The following SSBP2 variants were observed in gnomAD, a reference collection of about 807,000 sequenced individuals.
SSBP2 encodes single-stranded DNA-binding protein 2.
SSBP2 carries 17 observed loss-of-function variants against 61.8 expected under a neutral mutation model. The ratio of observed to expected loss-of-function variants is 0.28; its 90% CI spans 0.19 to 0.41. The LOEUF (loss-of-function observed/expected upper bound fraction) is 0.41, where lower values mean the gene tolerates loss of function less well. Among genes scored for constraint, SSBP2 ranks in the 10% least tolerant of loss-of-function variants. The pLI is 1.00. For missense variants in SSBP2, 310 were observed against 458.7 expected (o/e 0.68, Z 2.96); for synonymous variants, 139 against 141.3 (o/e 0.98, Z 0.12).
intron 5 of SSBP2, among the ~76,000 whole-genome samples, chr5:81,511,337 A>C (rs762551872): frequency 3.4e-4 from 52 of 152,032 alleles, no homozygotes; most frequent in Non-Finnish European, 6.2e-4. Flanking sequence ...TTTTGTATAC[A>C]ACTCTCTCAC....
chr5:81,632,462 A>G (rs1747815248), intron 3 of SSBP2, among the ~76,000 whole-genome samples: 1 of 152,218 alleles, frequency 6.6e-6, no homozygotes, highest in Non-Finnish European at 1.5e-5. Flanking sequence ...AGCCCTATGC[A>G]TATATTCCAG....
At chr5:81,497,049 C>T (rs1327618549) in intron 5 of SSBP2, among the ~76,000 whole-genome samples, 1 of 152,148 alleles carries the variant, frequency 6.6e-6, no homozygotes, top group Non-Finnish European at 1.5e-5. Context: ...CTAATTTGCA[C>T]ATAAAGCACC....
intron 5 of SSBP2, 123 bp from the exon 6 acceptor site, chr5:81,489,432 G>A: frequency 1.4e-6 from 1 of 732,504 alleles, no homozygotes; most frequent in Non-Finnish European, 2.1e-6. Context: ...GTACTTTGAG[G>A]CTGCTTTCAG....
intron 4 of SSBP2, among the ~76,000 whole-genome samples, chr5:81,529,645 T>C (rs1183529763): frequency 2.6e-5 from 4 of 152,048 alleles, no homozygotes; most frequent in Admixed American, 1.3e-4. Flanking sequence ...AAGCCACATC[T>C]TGAAGAAAAG....
At chr5:81,433,902 T>G (rs1762502911) in intron 15 of SSBP2, among the ~76,000 whole-genome samples, 1 of 152,238 alleles carries the variant, frequency 6.6e-6, no homozygotes, top group Non-Finnish European at 1.5e-5. Context: ...CAATTGATAG[T>G]GTGAGTTCCT....
Position 81,519,242 on chromosome 5 carries a change from T to C in SSBP2, c.283-5525A>G, listed in dbSNP as rs546700358. Among the ~76,000 whole-genome samples, 8 of 152,246 alleles carry C rather than the reference T, an allele frequency of 5.3e-5. No individual in the cohort carries two copies. In the East Asian group the frequency reaches 9.7e-4, roughly 18 times the overall value. ...GTAAAACTGCCTTAGACAAAGGCAATGTTGGAAAGAATTATTATCTTTTCA... is the reference window on the plus strand; with the variant it reads ...GTAAAACTGCCTTAGACAAAGGCAACGTTGGAAAGAATTATTATCTTTTCA... On this transcript the variant is annotated intron_variant, in intron 4 of 16. Coordinates refer to ENST00000320672, the MANE Select transcript of SSBP2 (RefSeq NM_012446.5).
chr5:81,634,535 C>A (rs1289478294), intron 3 of SSBP2, among the ~76,000 whole-genome samples: 3 of 152,176 alleles, frequency 2.0e-5, no homozygotes, highest in Admixed American at 2.0e-4. Flanking sequence ...CAGAATAAAT[C>A]TTTTCAAATT....
At chr5:81,723,824 T>C (rs974346319) in intron 1 of SSBP2, among the ~76,000 whole-genome samples, 10 of 152,066 alleles carry the variant, frequency 6.6e-5, no homozygotes, top group Admixed American at 2.0e-4. Context: ...GACAATATTA[T>C]AGACTAGTGT....
intron 5 of SSBP2, among the ~76,000 whole-genome samples, chr5:81,509,402 G>C (rs1386360243): frequency 6.6e-6 from 1 of 152,150 alleles, no homozygotes; most frequent in Middle Eastern, 3.2e-3. Context: ...GTGTGAACTT[G>C]AATTATGATT....
chr5:81,638,897 T>G (rs746908237), intron 2 of SSBP2, among the ~76,000 whole-genome samples: 1 of 152,178 alleles, frequency 6.6e-6, no homozygotes, highest in African/African-American at 2.4e-5. Context: ...ATTTCAGAAT[T>G]AGTGCCCTGT....
chr5:81,552,632 T>C (rs1489967022), intron 4 of SSBP2, among the ~76,000 whole-genome samples: 8 of 143,252 alleles, frequency 5.6e-5, no homozygotes, highest in Non-Finnish European at 1.2e-4. Context: ...AGCAAGACTA[T>C]GTCTCTTAAA....
At chr5:81,732,603 A>C (rs1170435438) in intron 1 of SSBP2, among the ~76,000 whole-genome samples, 1 of 152,086 alleles carries the variant, frequency 6.6e-6, no homozygotes. Context: ...TCCTTTTTTC[A>C]CAGGCACAAT....
chr5:81,603,349 T>G (rs1013241824), intron 4 of SSBP2, among the ~76,000 whole-genome samples: 13 of 152,196 alleles, frequency 8.5e-5, no homozygotes, highest in African/African-American at 2.7e-4. Context: ...GACATGGTTT[T>G]AAGACAGAGC....
chr5:81,496,619 TTC>T (rs1189293238), intron 5 of SSBP2, among the ~76,000 whole-genome samples: 2 of 152,210 alleles, frequency 1.3e-5, no homozygotes, highest in East Asian at 1.9e-4. Context: ...GTTTTGCAAG[TTC>T]TGTGTTATAC....
chr5:81,656,679 G>C (rs1750243765), intron 1 of SSBP2, among the ~76,000 whole-genome samples: 1 of 151,172 alleles, frequency 6.6e-6, no homozygotes, highest in African/African-American at 2.4e-5. Flanking sequence ...GTAAGAAAAT[G>C]GAAATTCAAA....
At chr5:81,594,061 G>C (rs1485986805) in intron 4 of SSBP2, among the ~76,000 whole-genome samples, 2 of 150,542 alleles carry the variant, frequency 1.3e-5, no homozygotes, top group Non-Finnish European at 1.5e-5. Context: ...TGGATAAAGA[G>C]TCAACACCCA....
chr5:81,458,436 T>C (rs1764315489), intron 10 of SSBP2, among the ~76,000 whole-genome samples: 1 of 152,206 alleles, frequency 6.6e-6, no homozygotes, highest in Non-Finnish European at 1.5e-5. Context: ...AGAGAGGAAA[T>C]AATAAAGCAA....
intron 1 of SSBP2, among the ~76,000 whole-genome samples, chr5:81,719,894 G>A (rs1434139303): frequency 6.6e-6 from 1 of 152,116 alleles, no homozygotes; most frequent in Non-Finnish European, 1.5e-5. Flanking sequence ...TGGCCCTGGG[G>A]TGTAAGTTAG....
chr5:81,578,087 T>C (rs1196677752), intron 4 of SSBP2, among the ~76,000 whole-genome samples: 5 of 152,030 alleles, frequency 3.3e-5, no homozygotes, highest in African/African-American at 7.2e-5. Flanking sequence ...CCGAGGTAGA[T>C]AGAGCAAAAG....
Sources: gnomAD v4.1 joint callset for allele counts (sites outside exome capture counted in the v4.1 genomes callset) on GRCh38, gnomAD v4.1.1 for gene constraint, MANE v1.5 for transcripts, NCBI Gene and HGNC (gene_info 2026-07-23, HGNC 2026-07-21) for gene names.